ABCB5: variants seen among roughly 807,000 people sequenced by gnomAD.
ABCB5 encodes ATP binding cassette subfamily B member 5, also known as ATP-binding cassette sub-family B member 5.
ABCB5 carries 155 observed loss-of-function variants against 144.2 expected under a neutral mutation model. The ratio of observed to expected loss-of-function variants is 1.08; its 90% CI spans 0.94 to 1.23. The LOEUF is 1.23. ABCB5 is among the 50% of genes most tolerant of loss of function. The pLI is 0.00. For missense variants in ABCB5, 1,830 were observed against 1,520.8 expected, an observed-to-expected ratio of 1.20 and a Z score of -3.38; for synonymous variants, 610 against 528.6, an observed-to-expected ratio of 1.15 and a Z score of -2.11.
At chr7:20,717,023 G>GGTCTTC (rs1781695442) in intron 20 of ABCB5, among the ~76,000 whole-genome samples, 1 of 152,082 alleles carries the variant, frequency 6.6e-6, no homozygotes, top group Non-Finnish European at 1.5e-5. Flanking sequence ...CGACCTGAAC[G>GGTCTTC]CCACACTCCA....
chr7:20,708,423 G>A (rs536761137), intron 20 of ABCB5, among the ~76,000 whole-genome samples: 252 of 152,264 alleles, frequency 1.7e-3, no homozygotes, highest in African/African-American at 5.3e-3. Flanking sequence ...AGGATCGCTC[G>A]AGCCTGGGAG....
At chr7:20,723,903 A>C (rs1485415243) in intron 21 of ABCB5, among the ~76,000 whole-genome samples, 1 of 152,234 alleles carries the variant, frequency 6.6e-6, no homozygotes, top group South Asian at 2.1e-4. Flanking sequence ...GCCTGGACAT[A>C]CAGGTATTTA....
Position 20,660,086 on chromosome 7 carries a change from G to C in ABCB5, c.1707+1410G>C, listed in dbSNP as rs78324846. Reference sequence around the variant, plus strand: ...TTTTCATCCACTGGTAATCACTTTAGGTAATCAAAACTAGTTCAGACTTTT... The same window carrying C: ...TTTTCATCCACTGGTAATCACTTTACGTAATCAAAACTAGTTCAGACTTTT... On this transcript the variant is annotated intron_variant, in intron 14 of 27. Coordinates refer to ENST00000404938, the MANE Select transcript of ABCB5 (RefSeq NM_001163941.2). The C allele has an allele frequency of 8.4e-4, 825 of 985,234 alleles. 28 individuals are homozygous for C. In the East Asian group the frequency reaches 0.071, roughly 85 times the overall value. 61.0% of individuals were successfully genotyped at this position (985,234 alleles called of 1,614,324 possible).
chr7:20,626,156 A>G (rs532500464), intron 2 of ABCB5, among the ~76,000 whole-genome samples: 2 of 152,294 alleles, frequency 1.3e-5, no homozygotes, highest in South Asian at 4.1e-4. Context: ...AGGGGCTGGG[A>G]GATGGGGACA....
rs1028375990 is a variant in ABCB5, at chr7:20,686,376, T to C, written c.2010+540T>C. Among the ~76,000 whole-genome samples, 9 of 152,224 alleles carry C rather than the reference T, an allele frequency of 5.9e-5. No homozygotes were observed. In the East Asian group the frequency reaches 1.7e-3, roughly 29 times the overall value. ...AGCCCCACATCACCTGCTTTGACTCTCCTTCTGCTGATACCCCTCATACCT... is the reference window on the plus strand; with the variant it reads ...AGCCCCACATCACCTGCTTTGACTCCCCTTCTGCTGATACCCCTCATACCT... On this transcript the variant is annotated intron_variant, in intron 16 of 27. Transcript: ENST00000404938.
intron 5 of ABCB5, among the ~76,000 whole-genome samples, chr7:20,637,036 T>C (rs1784174142): frequency 6.6e-6 from 1 of 152,146 alleles, no homozygotes; most frequent in Non-Finnish European, 1.5e-5. Flanking sequence ...TAATCCAAGT[T>C]TTCCAAACCT....
chr7:20,659,955 A>C (rs148113106), intron 14 of ABCB5: 1 of 984,738 alleles, frequency 1.0e-6, no homozygotes, highest in East Asian at 1.1e-4. Context: ...AAGTGCTGGG[A>C]TTACAGGTGT....
At position 20,681,636 on chromosome 7, in the gene ABCB5, A is replaced by C; in HGVS notation, c.1839A>C (p.Arg613=). Residue 613 remains arginine (R), a synonymous_variant, in exon 15 of 28, where the codon CGA becomes CGC. Coordinates refer to ENST00000404938, the MANE Select transcript of ABCB5 (RefSeq NM_001163941.2). ...CACATGCTGAACTAATGGCAAAACG[A>C]GGTCTATATTATTCACTTGTGATGT... ...KGAHAELMAK[R]GLYYSLVMSQ... is the part of the protein sequence containing the mutation. 2 of 1,614,142 alleles carry C rather than the reference A, an allele frequency of 1.2e-6. No homozygotes were observed. Among genetic ancestry groups the C allele is most frequent in the Non-Finnish European group, 1.7e-6 (2 of 1,180,032 alleles).
chr7:20,687,226 G>A (rs1457991515), intron 16 of ABCB5, among the ~76,000 whole-genome samples: 4 of 152,110 alleles, frequency 2.6e-5, no homozygotes, highest in African/African-American at 9.7e-5. Flanking sequence ...AAACACTATG[G>A]AAATCTGCCT....
intron 14 of ABCB5, 44 bp from the exon 15 acceptor site, chr7:20,681,461 T>A (rs11764760): frequency 1.2e-6 from 2 of 1,601,616 alleles, no homozygotes; most frequent in Non-Finnish European, 1.7e-6. Context: ...AAGGTTGTTA[T>A]TTCTACTAAT....
Position 20,643,815 on chromosome 7 carries a change from T to C in ABCB5, c.678+183T>C, listed in dbSNP as rs568390724. On this transcript the variant is annotated intron_variant, in intron 7 of 27. Transcript: ENST00000404938. Reference sequence around the variant, plus strand: ...AATCCCCTTTCTATCTTCAAGTTATTTGGCTAAGATGAAATGTTTTTAATA... The same window carrying C: ...AATCCCCTTTCTATCTTCAAGTTATCTGGCTAAGATGAAATGTTTTTAATA... Among the ~76,000 whole-genome samples the C allele has an allele frequency of 5.3e-5, 8 of 152,364 alleles. No homozygotes were observed. In the South Asian group the frequency reaches 1.7e-3, roughly 32 times the overall value.
At chr7:20,616,784 CAG>C (rs1424539392) in intron 1 of ABCB5, among the ~76,000 whole-genome samples, 2 of 152,166 alleles carry the variant, frequency 1.3e-5, no homozygotes, top group African/African-American at 4.8e-5. Context: ...CATTGGGTAA[CAG>C]AGAGGAACAT....
intron 5 of ABCB5, among the ~76,000 whole-genome samples, chr7:20,636,955 C>A (rs1784172348): frequency 6.6e-6 from 1 of 152,028 alleles, no homozygotes; most frequent in Non-Finnish European, 1.5e-5. Context: ...CTATGACAGC[C>A]TTCTATCCGA....
At chr7:20,721,875 TCTCCGTGAAA>T (rs1781879815) in intron 20 of ABCB5, among the ~76,000 whole-genome samples, 1 of 152,184 alleles carries the variant, frequency 6.6e-6, no homozygotes, top group African/African-American at 2.4e-5. Context: ...TCCTTTTTAC[TCTCCGTGAAA>T]TAGAATATGT....
intron 11 of ABCB5, among the ~76,000 whole-genome samples, chr7:20,649,189 G>T (rs1320448938): frequency 6.6e-6 from 1 of 152,062 alleles, no homozygotes; most frequent in Non-Finnish European, 1.5e-5. Context: ...TGTGAGAAGA[G>T]GTACTCCTAC....
At chr7:20,711,004 T>C (rs1346046188) in intron 20 of ABCB5, among the ~76,000 whole-genome samples, 1 of 149,946 alleles carries the variant, frequency 6.7e-6, no homozygotes, top group East Asian at 2.0e-4. Flanking sequence ...CTTTAACTTA[T>C]CACAGTCTAC....
intron 2 of ABCB5, among the ~76,000 whole-genome samples, chr7:20,623,886 G>T (rs981081676): frequency 6.6e-6 from 1 of 152,134 alleles, no homozygotes; most frequent in South Asian, 2.1e-4. Flanking sequence ...CTATAAAACT[G>T]GAGAAGATCC....
chr7:20,722,952 A>C (rs1255145222), intron 20 of ABCB5, 64 bp from the exon 21 acceptor site: 1 of 1,451,360 alleles, frequency 6.9e-7, no homozygotes, highest in Non-Finnish European at 9.7e-7. Context: ...AAGGAACTAT[A>C]ATAGGAACTC....
intron 14 of ABCB5, chr7:20,667,174 T>C: frequency 3.4e-6 from 3 of 879,844 alleles, no homozygotes; most frequent in Non-Finnish European, 1.4e-6. Flanking sequence ...TGCACTCAGA[T>C]ACAAATTCAT....
Sources: allele counts gnomAD v4.1 joint callset (sites outside exome capture counted in the v4.1 genomes callset), GRCh38; gene constraint gnomAD v4.1.1; transcripts MANE v1.5; gene names NCBI Gene and HGNC (gene_info 2026-07-23, HGNC 2026-07-21).